TBX1: variants seen among roughly 807,000 people sequenced by gnomAD.
TBX1 encodes the protein T-box transcription factor TBX1.
In TBX1, 16 loss-of-function variants were observed where a neutral mutation model predicts 40.8. That is an observed-to-expected ratio of 0.39 (90% CI 0.27 to 0.60). The LOEUF (loss-of-function observed/expected upper bound fraction) is 0.60, where lower values mean the gene tolerates loss of function less well. TBX1 is among the 20% of genes least tolerant of loss of function. The pLI is 0.51. For synonymous variants in TBX1, 403 were observed against 336.8 expected (o/e 1.20, Z -2.15); for missense variants, 755 against 728.5 (o/e 1.04, Z -0.42).
At position 19,765,854 on chromosome 22, in the gene TBX1, G is replaced by GC. The variant is rs775970680; in HGVS notation, c.935+31dup. 4.4e-6 allele frequency: 7 copies of GC among 1,581,034 alleles called. No homozygotes were observed. The South Asian group carries it at 6.9e-5, about 16-fold the overall frequency. The stretch of plus-strand genomic sequence containing the variant: ...AGTGTCCTCCCCCGAGAGAGTGAGC[G>GC]CCGGGCGCCTGGCGCAGGCGCCGCC... On this transcript the variant is annotated intron_variant, in intron 5 of 6. Coordinates refer to ENST00000649276, the MANE Select transcript of TBX1 (RefSeq NM_001379200.1).
downstream of TBX1, among the ~76,000 whole-genome samples, chr22:19,780,949 AT>A (rs1375616994): frequency 2.0e-5 from 3 of 151,618 alleles, no homozygotes; most frequent in East Asian, 5.8e-4. Flanking sequence ...CGCCCAGCTA[AT>A]TTTTTGTAGT....
chr22:19,769,527 T>C (rs1295704438), downstream of TBX1, among the ~76,000 whole-genome samples: 1 of 152,238 alleles, frequency 6.6e-6, no homozygotes, highest in East Asian at 1.9e-4. Context: ...TCTGCAAGAC[T>C]GGCGCACGCC....
Position 19,763,293 on chromosome 22 carries a change from G to T in TBX1, c.490G>T (p.Asp164Tyr), listed in dbSNP as rs374011293. ...GCTCTTCGGCATGGATCCCATGGCCGACTATATGCTGCTCATGGACTTCGT... is the reference window on the plus strand; with the variant it reads ...GCTCTTCGGCATGGATCCCATGGCCTACTATATGCTGCTCATGGACTTCGT... ...VKLFGMDPMA[D>Y]YMLLMDFVPV... is the part of the protein sequence containing the mutation. The change falls in exon 2 of 7, where the codon GAC becomes TAC. Residue 164 changes from aspartate to tyrosine, a missense_variant. Asp to Tyr is a radical substitution (Grantham distance 160). Transcript: ENST00000649276. 1.2e-6 allele frequency: 2 copies of T among 1,614,210 alleles called. No homozygotes were observed. Among genetic ancestry groups the T allele is most frequent in the South Asian group, 2.2e-5 (2 of 91,080 alleles).
Position 19,766,423 on chromosome 22 carries a change from C to T in TBX1, c.1071C>T (p.Asp357=). 1 of 1,344,126 alleles carries T rather than the reference C, an allele frequency of 7.4e-7. No homozygotes were observed. Among genetic ancestry groups the T allele is most frequent in the Non-Finnish European group, 9.6e-7 (1 of 1,043,618 alleles). 83.3% of individuals were successfully genotyped at this position (1,344,126 alleles called of 1,614,324 possible). ...AAEARREFQR[D]AGGPAVLGDP... is the part of the protein sequence containing the mutation. Reference sequence around the variant, plus strand: ...AGGCCCGGCGAGAATTCCAGCGCGACGCGGGCGGGCCAGCAGTGCTCGGGG... The same window carrying T: ...AGGCCCGGCGAGAATTCCAGCGCGATGCGGGCGGGCCAGCAGTGCTCGGGG... Residue 357 remains aspartate (D), a synonymous_variant, in exon 7 of 7, where the codon GAC becomes GAT. Coordinates refer to ENST00000649276, the MANE Select transcript of TBX1 (RefSeq NM_001379200.1).
At chr22:19,763,373 G>T in intron 2 of TBX1, 31 bp downstream of exon 2, 1 of 1,606,160 alleles carries the variant, frequency 6.2e-7, no homozygotes, top group Non-Finnish European at 8.5e-7. Flanking sequence ...GTGAGGGACC[G>T]GGAGGGCACC....
At chr22:19,764,926 C>A in intron 3 of TBX1, 32 bp from the exon 4 acceptor site, 1 of 1,613,514 alleles carries the variant, frequency 6.2e-7, no homozygotes, top group Non-Finnish European at 8.5e-7. Context: ...CCAGCCCCAC[C>A]GCTGGAGCTG....
upstream of TBX1, among the ~76,000 whole-genome samples, chr22:19,759,025 G>C (rs1031431943): frequency 6.6e-6 from 1 of 152,194 alleles, no homozygotes; most frequent in Non-Finnish European, 1.5e-5. Context: ...GAGGCGGGAG[G>C]GGCCAAGGGC....
At chr22:19,761,614 C>T (rs1380480784) in intron 1 of TBX1, among the ~76,000 whole-genome samples, 1 of 152,062 alleles carries the variant, frequency 6.6e-6, no homozygotes, top group Non-Finnish European at 1.5e-5. Context: ...CGGCTTGGGG[C>T]GCACCCGGCT....
rs1555895391 is a variant in TBX1, at chr22:19,760,948, C to G, written c.105C>G (p.Gly35=). 1 of 1,001,048 alleles carries G rather than the reference C, an allele frequency of 1.0e-6. No individual in the cohort carries two copies. The highest frequency in any genetic ancestry group is 3.7e-5 in the South Asian group (1 of 26,754). 62.0% of individuals were successfully genotyped at this position (1,001,048 alleles called of 1,614,324 possible). Residue 35 remains glycine (G), a synonymous_variant, in exon 1 of 7, where the codon GGC becomes GGG. Transcript: ENST00000649276. ...SSLSSLGAAG[G]FPGAASPGAD... ...TGAGCAGCCTGGGGGCCGCGGGGGG[C>G]TTCCCGGGCGCCGCGTCGCCCGGCG...
At chr22:19,764,468 A>G (rs1936768414) in intron 3 of TBX1, 142 bp downstream of exon 3, 1 of 1,079,850 alleles carries the variant, frequency 9.3e-7, no homozygotes. Context: ...GAGGCCCTTT[A>G]GAGTCCCTGC....
At position 19,765,109 on chromosome 22, in the gene TBX1, A is replaced by G; in HGVS notation, c.863A>G (p.His288Arg). ...RFTAVTAYQN[H>R]RITQLKIASN... ...ACCGCGGTCACTGCCTACCAGAACC[A>G]TCGGGTGAGGGCCTGTGGGGAGGAC... The change falls in exon 4 of 7, where the codon CAT becomes CGT. Residue 288 changes from histidine to arginine, a missense_variant. Coordinates refer to ENST00000649276, the MANE Select transcript of TBX1 (RefSeq NM_001379200.1). 1 of 1,614,180 alleles carries G rather than the reference A, an allele frequency of 6.2e-7. No homozygotes were observed.
At chr22:19,768,000 T>G (rs1020928735), downstream of TBX1, among the ~76,000 whole-genome samples, 1 of 152,110 alleles carries the variant, frequency 6.6e-6, no homozygotes, top group African/African-American at 2.4e-5. Flanking sequence ...GTATGAAGCA[T>G]TTTTCCCAGG....
At chr22:19,774,522 T>A (rs1601303576) in intron 8 of TBX1, among the ~76,000 whole-genome samples, 2 of 152,148 alleles carry the variant, frequency 1.3e-5, no homozygotes, top group East Asian at 3.8e-4. Context: ...TCTCCACCCA[T>A]GTTCATAGCA....
chr22:19,763,195 G>A (rs765304112), intron 1 of TBX1, 46 bp from the exon 2 acceptor site: 46 of 1,549,090 alleles, frequency 3.0e-5, no homozygotes, highest in Non-Finnish European at 3.7e-5. Context: ...GTCAAGGGGG[G>A]CTGCCTTCCA....
At chr22:19,764,844 C>T (rs1252652451) in intron 3 of TBX1, 114 bp from the exon 4 acceptor site, 1 of 1,324,592 alleles carries the variant, frequency 7.5e-7, no homozygotes, top group Admixed American at 1.7e-5. Flanking sequence ...GGGTTTTGCC[C>T]AACTCATCCA....
At position 19,766,428 on chromosome 22, in the gene TBX1, G is replaced by T. The variant is rs781731042; in HGVS notation, c.1076G>T (p.Gly359Val). The T allele has an allele frequency of 2.0e-5, 27 of 1,344,724 alleles. No homozygotes were observed. The highest frequency in any genetic ancestry group is 5.5e-4 in the Middle Eastern group (2 of 3,624). 83.3% of individuals were successfully genotyped at this position (1,344,724 alleles called of 1,614,324 possible). A position where few individuals can be genotyped will look rare whatever the true frequency, so the allele number is the denominator to read the frequency against. The change falls in exon 7 of 7, where the codon GGC (glycine) becomes GTC (valine). Residue 359 changes from glycine (G) to valine (V), a missense_variant. Physicochemically the swap from Gly to Val is moderately radical, Grantham distance 109 (BLOSUM62 -3). Around this residue, in one of 3 missense-constraint regions of TBX1, gnomAD observed 412 missense variants for 317.6 expected, o/e 1.30. Transcript: ENST00000649276. ...EARREFQRDA[G>V]GPAVLGDPAH... Reference sequence around the variant, plus strand: ...CGGCGAGAATTCCAGCGCGACGCGGGCGGGCCAGCAGTGCTCGGGGACCCG... The same window carrying T: ...CGGCGAGAATTCCAGCGCGACGCGGTCGGGCCAGCAGTGCTCGGGGACCCG...
chr22:19,782,903 T>G, downstream of TBX1: 3 of 1,614,104 alleles, frequency 1.9e-6, no homozygotes, highest in Non-Finnish European at 2.5e-6. Flanking sequence ...TCCCCTCTCC[T>G]GGACTCCAGG....
upstream of TBX1, among the ~76,000 whole-genome samples, chr22:19,758,790 C>CG (rs1601278448): frequency 6.6e-6 from 1 of 152,300 alleles, no homozygotes; most frequent in East Asian, 1.9e-4. Flanking sequence ...GCGTGACGCT[C>CG]GGGCTCGCGG....
In TBX1 at chr22:19,766,476, C is replaced by G. The variant is rs1156837485; in HGVS notation, c.1124C>G (p.Ala375Gly). Residue 375 changes from alanine to glycine, a missense_variant, in exon 7 of 7, where the codon GCC (alanine) becomes GGC (glycine). Ala to Gly is a moderately conservative substitution (Grantham distance 60, BLOSUM62 0). Around this residue, in one of 3 missense-constraint regions of TBX1, gnomAD observed 412 missense variants for 317.6 expected, o/e 1.30. Coordinates refer to ENST00000649276, the MANE Select transcript of TBX1 (RefSeq NM_001379200.1). Reference sequence around the variant, plus strand: ...CCGGCGCATCCTCCGCAGCTGCTGGCCCGGGTGCTAAGCCCCTCGCTGCCC... The same window carrying G: ...CCGGCGCATCCTCCGCAGCTGCTGGGCCGGGTGCTAAGCCCCTCGCTGCCC... The part of the protein sequence containing the change: ...GDPAHPPQLL[A>G]RVLSPSLPGA... 7.5e-7 allele frequency: 1 copy of G among 1,326,974 alleles called. No homozygotes were observed. Among genetic ancestry groups the G allele is most frequent in the Admixed American group, 3.4e-5 (1 of 29,004 alleles). 82.2% of individuals were successfully genotyped at this position (1,326,974 alleles called of 1,614,324 possible).
Sources: gnomAD v4.1 joint callset for allele counts (sites outside exome capture counted in the v4.1 genomes callset) on GRCh38, gnomAD v4.1.1 for gene constraint, gnomAD v4.1.1 regional missense constraint, MANE v1.5 for transcripts, NCBI Gene and HGNC (gene_info 2026-07-23, HGNC 2026-07-21) for gene names.